The following TUSC3 variants were observed in gnomAD, a reference collection of about 807,000 sequenced individuals.
The protein encoded by TUSC3 is dolichyl-diphosphooligosaccharide--protein glycosyltransferase subunit TUSC3.
In TUSC3, 45 loss-of-function variants were observed where a neutral mutation model predicts 44.8. The ratio of observed to expected loss-of-function variants is 1.00; its 90% confidence interval spans 0.79 to 1.29. The LOEUF (loss-of-function observed/expected upper bound fraction) is 1.29, where lower values mean the gene tolerates loss of function less well. TUSC3 is among the 50% of genes most tolerant of loss of function. The pLI is 0.00. For missense variants in TUSC3, 519 were observed against 437.9 expected (o/e 1.19, Z -1.65); for synonymous variants, 212 against 152.9 (o/e 1.39, Z -2.85).
chr8:15,809,086 A>T, the TUSC3 span, among the ~76,000 whole-genome samples: 20 of 152,136 alleles, frequency 1.3e-4, no homozygotes, highest in African/African-American at 4.8e-4. Context: ...AACCCAGATG[A>T]TGGCACACTA....
At chr8:15,814,609 T>C in the TUSC3 span, among the ~76,000 whole-genome samples, 1 of 152,222 alleles carries the variant, frequency 6.6e-6, no homozygotes, top group African/African-American at 2.4e-5. Context: ...GAAAAATATA[T>C]ATTTATGTTC....
At chr8:15,719,353 C>G (rs1810200909) in intron 6 of TUSC3, among the ~76,000 whole-genome samples, 1 of 151,972 alleles carries the variant, frequency 6.6e-6, no homozygotes, top group Non-Finnish European at 1.5e-5. Context: ...GCTCAGATGC[C>G]AAAGATGTCT....
At chr8:15,428,274 C>G (rs575528712) in intron 1 of TUSC3, among the ~76,000 whole-genome samples, 2 of 151,782 alleles carry the variant, frequency 1.3e-5, no homozygotes, top group Non-Finnish European at 2.9e-5. Context: ...CCAGCTTCAT[C>G]GATGTCCCTA....
chr8:15,658,498 G>A (rs991127461), intron 3 of TUSC3, among the ~76,000 whole-genome samples: 2 of 151,902 alleles, frequency 1.3e-5, no homozygotes, highest in Non-Finnish European at 2.9e-5. Flanking sequence ...TTTATATATT[G>A]ATTTTTGTTT....
intron 6 of TUSC3, among the ~76,000 whole-genome samples, chr8:15,684,156 G>A (rs1325524897): frequency 6.6e-6 from 1 of 152,086 alleles, no homozygotes; most frequent in Non-Finnish European, 1.5e-5. Context: ...GAGATTTGGT[G>A]GTAACCCATT....
At chr8:15,573,772 C>T (rs1243619026) in intron 1 of TUSC3, among the ~76,000 whole-genome samples, 1 of 152,038 alleles carries the variant, frequency 6.6e-6, no homozygotes, top group Non-Finnish European at 1.5e-5. Context: ...CTTCTGAAGG[C>T]TGATTTTTTT....
intron 1 of TUSC3, among the ~76,000 whole-genome samples, chr8:15,596,238 A>G (rs1338318414): frequency 6.6e-6 from 1 of 152,168 alleles, no homozygotes; most frequent in Non-Finnish European, 1.5e-5. Flanking sequence ...AGTTTACTTT[A>G]TTTGAATAAT....
intron 1 of TUSC3, among the ~76,000 whole-genome samples, chr8:15,581,860 C>CTGG (rs1346919420): frequency 3.2e-4 from 25 of 77,342 alleles, no homozygotes; most frequent in African/African-American, 1.2e-3. Flanking sequence ...TTGGAGCTTC[C>CTGG]CGTTTACCTA....
the TUSC3 span, among the ~76,000 whole-genome samples, chr8:15,780,452 A>G: frequency 1.7e-4 from 26 of 152,170 alleles, no homozygotes; most frequent in East Asian, 1.5e-3. Context: ...TAGACCACAG[A>G]AAAAAAAGTG....
chr8:15,604,034 A>G (rs1204670187), intron 1 of TUSC3, among the ~76,000 whole-genome samples: 1 of 151,726 alleles, frequency 6.6e-6, no homozygotes, highest in Non-Finnish European at 1.5e-5. Flanking sequence ...AAAATGTAAT[A>G]TATTAATATG....
the TUSC3 span, among the ~76,000 whole-genome samples, chr8:15,797,510 G>A: frequency 6.6e-6 from 1 of 152,166 alleles, no homozygotes; most frequent in Non-Finnish European, 1.5e-5. Context: ...TTTTGCTAGA[G>A]GAAGTGTGAT....
chr8:15,706,193 A>G (rs965300469), intron 6 of TUSC3, among the ~76,000 whole-genome samples: 2 of 152,014 alleles, frequency 1.3e-5, no homozygotes, highest in African/African-American at 2.4e-5. Flanking sequence ...ATAAATTACT[A>G]TTATTGCATA....
chr8:15,698,833 G>A (rs1007497149), intron 6 of TUSC3, among the ~76,000 whole-genome samples: 2 of 149,884 alleles, frequency 1.3e-5, no homozygotes, highest in East Asian at 2.0e-4. Flanking sequence ...TGAAAGCATG[G>A]ACCATTCTCT....
At chr8:15,656,262 A>G (rs1585199022) in intron 3 of TUSC3, among the ~76,000 whole-genome samples, 1 of 152,234 alleles carries the variant, frequency 6.6e-6, no homozygotes, top group South Asian at 2.1e-4. Flanking sequence ...CAAAATTCCA[A>G]AGTCCAAAGT....
rs191834477 is a variant in TUSC3 at position 15,719,666 on chromosome 8, C to G, written c.799-11000C>G. Among the ~76,000 whole-genome samples the G allele has an allele frequency of 1.6e-4, 25 of 152,124 alleles. No homozygotes were observed. The East Asian group carries it at 3.7e-3, about 22-fold the overall frequency. On this transcript the variant is annotated intron_variant, in intron 6 of 10. Transcript: ENST00000503731. ...TTTGTAGAATAAATAAACTAACATA[C>G]AACAACAGTAGCTAACACTGAAGGC...
chr8:15,542,608 C>G (rs1563280748), intron 1 of TUSC3, among the ~76,000 whole-genome samples: 1 of 152,058 alleles, frequency 6.6e-6, no homozygotes, highest in Admixed American at 6.6e-5. Flanking sequence ...TTTACAGCAT[C>G]TGAGTATCTC....
chr8:15,514,828 C>T (rs1437161534), intron 2 of TUSC3, among the ~76,000 whole-genome samples: 2 of 152,114 alleles, frequency 1.3e-5, no homozygotes, highest in East Asian at 1.9e-4. Context: ...CTCAGCCACT[C>T]GCTAGGCTGA....
chr8:15,645,458 G>T (rs1806582042), intron 2 of TUSC3, among the ~76,000 whole-genome samples: 2 of 151,974 alleles, frequency 1.3e-5, no homozygotes, highest in South Asian at 4.2e-4. Flanking sequence ...TTGTCGAACT[G>T]TTCCAGCTCA....
At chr8:15,446,413 G>A (rs190447153) in intron 1 of TUSC3, among the ~76,000 whole-genome samples, 1 of 152,012 alleles carries the variant, frequency 6.6e-6, no homozygotes. Context: ...TCGAGATCAC[G>A]CCACTGCACT....
Sources: gnomAD v4.1 joint callset for allele counts (sites outside exome capture counted in the v4.1 genomes callset) on GRCh38, gnomAD v4.1.1 for gene constraint, MANE v1.5 for transcripts, NCBI Gene and HGNC (gene_info 2026-07-23, HGNC 2026-07-21) for gene names.